Variants in TCF7L2 observed in about 807,000 individuals in gnomAD.
The protein encoded by TCF7L2 is transcription factor 7 like 2.
A neutral mutation model predicts 77.9 loss-of-function variants in TCF7L2; 23 were observed. That is an observed-to-expected ratio of 0.30 (90% confidence interval 0.21 to 0.42). TCF7L2 has a LOEUF of 0.42. Ranked by LOEUF, TCF7L2 falls within the 10% of genes least tolerant of loss-of-function variation. TCF7L2 has a pLI of 1.00. For synonymous variants in TCF7L2, 413 were observed against 340.2 expected (o/e 1.21, Z -2.36); for missense variants, 654 against 793.1 (o/e 0.82, Z 2.11).
At chr10:113,143,447 G>A (rs961897340) in intron 6 of TCF7L2, among the ~76,000 whole-genome samples, 2 of 152,208 alleles carry the variant, frequency 1.3e-5, no homozygotes, top group Non-Finnish European at 2.9e-5. Context: ...TTGAAAAAAG[G>A]CAAGGGTAGT....
chr10:113,003,898 G>A (rs989447039), intron 4 of TCF7L2, among the ~76,000 whole-genome samples: 1 of 152,188 alleles, frequency 6.6e-6, no homozygotes, highest in Non-Finnish European at 1.5e-5. Context: ...ACACACCCAC[G>A]GGGAACAGGG....
chr10:113,069,573 G>A (rs561176387), intron 5 of TCF7L2, among the ~76,000 whole-genome samples: 100 of 152,196 alleles, frequency 6.6e-4, no homozygotes, highest in Admixed American at 1.1e-3. Flanking sequence ...TGCCTAACCC[G>A]TCCAGGAGGA....
intron 5 of TCF7L2, among the ~76,000 whole-genome samples, chr10:113,135,566 G>C (rs574768875): frequency 8.9e-4 from 135 of 152,130 alleles, no homozygotes; most frequent in Non-Finnish European, 1.2e-3. Context: ...TAATGGTTCG[G>C]CTTTTTAGTA....
chr10:113,077,956 G>T (rs1434222065), intron 5 of TCF7L2, among the ~76,000 whole-genome samples: 2 of 150,886 alleles, frequency 1.3e-5, no homozygotes, highest in Non-Finnish European at 2.9e-5. Context: ...GGCTGGTGTA[G>T]AACTCCTGAC....
At chr10:113,052,524 A>G (rs2054647791) in intron 5 of TCF7L2, among the ~76,000 whole-genome samples, 1 of 152,226 alleles carries the variant, frequency 6.6e-6, no homozygotes, top group Non-Finnish European at 1.5e-5. Context: ...CTTGTTCCAA[A>G]TGAAATTATG....
chr10:113,101,201 G>C (rs142124232), intron 5 of TCF7L2, among the ~76,000 whole-genome samples: 9 of 152,152 alleles, frequency 5.9e-5, no homozygotes, highest in Admixed American at 5.9e-4. Flanking sequence ...CCCTCTTTCA[G>C]ATTTAATGAT....
At chr10:113,117,126 A>G (rs1267483069) in intron 5 of TCF7L2, among the ~76,000 whole-genome samples, 4 of 152,252 alleles carry the variant, frequency 2.6e-5, no homozygotes, top group Admixed American at 1.3e-4. Flanking sequence ...CATCAAATCT[A>G]CGATTTAACT....
intron 4 of TCF7L2, among the ~76,000 whole-genome samples, chr10:113,000,108 T>C (rs1290937943): frequency 6.6e-6 from 1 of 152,198 alleles, no homozygotes; most frequent in Non-Finnish European, 1.5e-5. Context: ...GTCCTAAAGT[T>C]AAAGAAAATC....
intron 3 of TCF7L2, 83 bp from the exon 4 acceptor site, chr10:112,964,473 G>C: frequency 7.7e-7 from 1 of 1,291,758 alleles, no homozygotes; most frequent in South Asian, 1.2e-5. Context: ...AGGAAGGTTT[G>C]TCTGCTATTC....
Position 112,950,331 on chromosome 10 carries a change from A to C in TCF7L2, c.-426A>C. Reference sequence around the variant, plus strand: ...ATCTGTCAATCAGCGCCGCCTTTGAACTGAAAAGCTCTCAGTCTAACTTCA... The same window carrying C: ...ATCTGTCAATCAGCGCCGCCTTTGACCTGAAAAGCTCTCAGTCTAACTTCA... On this transcript the variant is annotated 5_prime_UTR_variant, in exon 1 of 14. Transcript: ENST00000627217. The C allele has an allele frequency of 4.2e-6, 1 of 238,572 alleles. No homozygotes were observed. Among genetic ancestry groups the C allele is most frequent in the Non-Finnish European group, 8.2e-6 (1 of 121,822 alleles). 14.8% of individuals were successfully genotyped at this position (238,572 alleles called of 1,614,324 possible). A position where few individuals can be genotyped will look rare whatever the true frequency, so the allele number is the denominator to read the frequency against.
chr10:113,003,912 A>G (rs1351155955), intron 4 of TCF7L2, among the ~76,000 whole-genome samples: 4 of 152,224 alleles, frequency 2.6e-5, no homozygotes, highest in African/African-American at 4.8e-5. Flanking sequence ...AACAGGGACC[A>G]TAGAGGAGCA....
At chr10:113,091,110 C>G (rs1331471445) in intron 5 of TCF7L2, among the ~76,000 whole-genome samples, 1 of 152,088 alleles carries the variant, frequency 6.6e-6, no homozygotes, top group Non-Finnish European at 1.5e-5. Flanking sequence ...CCATGTTGGT[C>G]AGACTGTTCT....
At chr10:113,042,920 T>C (rs2052714899) in intron 5 of TCF7L2, among the ~76,000 whole-genome samples, 1 of 152,188 alleles carries the variant, frequency 6.6e-6, no homozygotes, top group South Asian at 2.1e-4. Flanking sequence ...GGTTCGTGTT[T>C]AGAGTCGCCG....
In TCF7L2 at chr10:112,990,731, A is replaced by T. The variant is rs115339118; in HGVS notation, c.450+26107A>T. Among the ~76,000 whole-genome samples the T allele has an allele frequency of 2.4e-3, 363 of 152,124 alleles. 1 individual carries two copies. The highest frequency in any genetic ancestry group is 8.0e-3 in the African/African-American group (333 of 41,512). On this transcript the variant is annotated intron_variant, in intron 4 of 13. Transcript: ENST00000627217. The stretch of plus-strand genomic sequence containing the variant: ...AATAATAAATAAATAAATAAATAAA[A>T]AATAAAAAAAATTAGCTAGCCAAGC...
chr10:113,004,201 T>C (rs2045067041), intron 4 of TCF7L2, among the ~76,000 whole-genome samples: 1 of 152,102 alleles, frequency 6.6e-6, no homozygotes, highest in African/African-American at 2.4e-5. Flanking sequence ...TGTAGTGCTG[T>C]TTGGGGCAGG....
At chr10:113,152,002 C>A in intron 10 of TCF7L2, 118 bp downstream of exon 10, 1 of 1,394,322 alleles carries the variant, frequency 7.2e-7, no homozygotes, top group Non-Finnish European at 9.6e-7. Flanking sequence ...TGCCCTTCAG[C>A]CACATTCTGA....
chr10:113,135,136 C>T (rs1410715341), intron 5 of TCF7L2, among the ~76,000 whole-genome samples: 1 of 152,290 alleles, frequency 6.6e-6, no homozygotes, highest in Admixed American at 6.5e-5. Context: ...CTTAGAAGTG[C>T]CTTAATCAGT....
In TCF7L2 at chr10:112,951,281, C is replaced by A; in HGVS notation, c.256+8C>A. The A allele has an allele frequency of 7.2e-7, 1 of 1,387,136 alleles. No individual in the cohort carries two copies. Among genetic ancestry groups the A allele is most frequent in the Non-Finnish European group, 9.5e-7 (1 of 1,056,206 alleles). 85.9% of individuals were successfully genotyped at this position (1,387,136 alleles called of 1,614,324 possible). A position where few individuals can be genotyped will look rare whatever the true frequency, so the allele number is the denominator to read the frequency against. Reference sequence around the variant, plus strand: ...GGGAAAGTTTGGAAGAAGGTGAGTACGCCCCGCGCGCCCCGCAGCCGCCCG... The same window carrying A: ...GGGAAAGTTTGGAAGAAGGTGAGTAAGCCCCGCGCGCCCCGCAGCCGCCCG... On this transcript the variant is annotated splice_region_variant and intron_variant, in intron 2 of 13. Transcript: ENST00000627217.
chr10:113,000,984 G>C (rs2044366790), intron 4 of TCF7L2, among the ~76,000 whole-genome samples: 1 of 152,160 alleles, frequency 6.6e-6, no homozygotes, highest in Admixed American at 6.6e-5. Context: ...ACAGGGTTTT[G>C]ACAAACATGA....
Sources: allele counts gnomAD v4.1 joint callset (sites outside exome capture counted in the v4.1 genomes callset), GRCh38; gene constraint gnomAD v4.1.1; transcripts MANE v1.5; gene names NCBI Gene and HGNC (gene_info 2026-07-23, HGNC 2026-07-21).